The following SASH1 variants were observed in gnomAD, a reference collection of about 807,000 sequenced individuals.
The protein encoded by SASH1 is SAM and SH3 domain-containing protein 1.
SASH1 carries 44 observed loss-of-function variants against 125.2 expected under a neutral mutation model. The ratio of observed to expected loss-of-function variants is 0.35; its 90% confidence interval spans 0.28 to 0.45. The LOEUF is 0.45. SASH1 is among the 20% of genes least tolerant of loss of function. SASH1 has a pLI of 1.00. For synonymous variants in SASH1, 639 were observed against 649.1 expected, an observed-to-expected ratio of 0.98 and a Z score of 0.24; for missense variants, 1,426 against 1,614.5, an observed-to-expected ratio of 0.88 and a Z score of 2.00.
At chr6:148,303,275 T>C (rs4895747) in intron 1 of SASH1, among the ~76,000 whole-genome samples, 110,196 of 151,998 alleles carry the variant, frequency 0.72, 40,065 homozygotes, top group South Asian at 0.76. Flanking sequence ...CCACCATGCC[T>C]GGCCTAAAAT....
Position 148,358,019 on chromosome 6 carries a change from C to T in SASH1, c.156+14796C>T, listed in dbSNP as rs543826544. ...AGGTTGCAGTGAGCTGAGATTGCAC[C>T]GCAGCACTCCAGACTGGGCAACAAG... is the stretch of plus-strand genomic sequence containing the variant. On this transcript the variant is annotated intron_variant, in intron 1 of 19. Transcript: ENST00000367467. Among the ~76,000 whole-genome samples, 64 of 142,972 alleles carry T rather than the reference C, an allele frequency of 4.5e-4. 1 individual carries two copies. In the South Asian group the frequency reaches 6.2e-3, roughly 14 times the overall value. 93.8% of individuals were successfully genotyped at this position (142,972 alleles called of 152,430 possible). A position where few individuals can be genotyped will look rare whatever the true frequency, so the allele number is the denominator to read the frequency against.
intron 10 of SASH1, among the ~76,000 whole-genome samples, chr6:148,521,455 T>C (rs1012833073): frequency 2.0e-5 from 3 of 152,252 alleles, no homozygotes; most frequent in African/African-American, 7.2e-5. Context: ...TCAATGCCAT[T>C]CTTAAAACGA....
chr6:148,402,766 G>A (rs764193434), intron 2 of SASH1, among the ~76,000 whole-genome samples: 2 of 151,398 alleles, frequency 1.3e-5, no homozygotes, highest in Non-Finnish European at 2.9e-5. Flanking sequence ...CCGCCACCAC[G>A]CCCGGCTAAT....
intron 8 of SASH1, among the ~76,000 whole-genome samples, chr6:148,504,708 T>TGGGGAGTCTACTAC (rs1337741164): frequency 6.6e-6 from 1 of 151,830 alleles, no homozygotes; most frequent in Non-Finnish European, 1.5e-5. Context: ...CCAGTATTTA[T>TGGGGAGTCTACTAC]GGGTGGGCAC....
chr6:148,472,678 G>T (rs74519329), intron 6 of SASH1, among the ~76,000 whole-genome samples: 10,195 of 152,214 alleles, frequency 0.067, 433 homozygotes, highest in Non-Finnish European at 0.097. Context: ...GTAGCAAAGG[G>T]AACTTGAGGG....
At chr6:148,290,879 A>AG (rs1213878922) in intron 1 of SASH1, among the ~76,000 whole-genome samples, 1 of 113,678 alleles carries the variant, frequency 8.8e-6, no homozygotes, top group African/African-American at 2.8e-5. Flanking sequence ...AATACTAAAA[A>AG]AAAGTTAAAA....
At position 148,519,980 on chromosome 6, in the gene SASH1, G is replaced by T; in HGVS notation, c.1209+87G>T. On this transcript the variant is annotated intron_variant, in intron 10 of 19. Coordinates refer to ENST00000367467, the MANE Select transcript of SASH1 (RefSeq NM_015278.5). The surrounding 1 kb of genome is among the most constrained non-coding windows in gnomAD (Gnocchi z 4.8). ...CCCTGGAGGAGTTTCAGAGTGTCCG[G>T]AAGCAAATCCGCTTGAAGAAAACGG... The T allele has an allele frequency of 1.2e-6, 1 of 861,186 alleles. No homozygotes were observed. The highest frequency in any genetic ancestry group is 1.7e-6 in the Non-Finnish European group (1 of 571,806). 53.3% of individuals were successfully genotyped at this position (861,186 alleles called of 1,614,324 possible).
At chr6:148,391,422 TAA>T (rs398038813) in intron 2 of SASH1, among the ~76,000 whole-genome samples, 5,160 of 114,362 alleles carry the variant, frequency 0.045, 134 homozygotes, top group African/African-American at 0.078. Context: ...GACACTTTTA[TAA>T]AAAAAAAAAA....
chr6:148,416,199 C>T (rs1022643228), intron 2 of SASH1, among the ~76,000 whole-genome samples: 3 of 152,232 alleles, frequency 2.0e-5, no homozygotes, highest in African/African-American at 7.2e-5. Context: ...AATTTGTTCC[C>T]TCCTGTTCCT....
At chr6:148,316,834 T>C (rs984574839) in intron 1 of SASH1, among the ~76,000 whole-genome samples, 14 of 152,208 alleles carry the variant, frequency 9.2e-5, no homozygotes, top group African/African-American at 3.4e-4. Flanking sequence ...TCAGGGGTTA[T>C]AGAATTATGA....
chr6:148,279,516 A>G (rs1272041256), intron 1 of SASH1, among the ~76,000 whole-genome samples: 1 of 152,220 alleles, frequency 6.6e-6, no homozygotes, highest in Non-Finnish European at 1.5e-5. Context: ...ATGGGTTATC[A>G]TCATGGATAA....
At chr6:148,235,578 TAATAA>T in the SASH1 span, among the ~76,000 whole-genome samples, 3 of 152,340 alleles carry the variant, frequency 2.0e-5, no homozygotes, top group South Asian at 6.2e-4. Context: ...TTCCAGGATA[TAATAA>T]CATGTCCAGG....
chr6:148,551,948 G>C lies in SASH1; in HGVS notation c.*3390G>C, dbSNP rs529079307. The C allele has an allele frequency of 1.2e-4, 19 of 152,758 alleles. No homozygotes were observed. Among genetic ancestry groups the C allele is most frequent in the African/African-American group, 4.1e-4 (17 of 41,578 alleles). 9.5% of individuals were successfully genotyped at this position (152,758 alleles called of 1,614,324 possible). On this transcript the variant is annotated 3_prime_UTR_variant, in exon 20 of 20. Transcript: ENST00000367467. ...ATTGTGATGATTCATTTAGCATAAA[G>C]AGAGGTGGACGGAAGGGTTTTCCTA...
chr6:148,535,008 GTTCT>G, intron 16 of SASH1, 107 bp downstream of exon 16: 1 of 1,176,008 alleles, frequency 8.5e-7, no homozygotes. Flanking sequence ...ATTCTGTCCT[GTTCT>G]TTCTGTTACA....
At chr6:148,520,285 G>A (rs556770532) in intron 10 of SASH1, 2 of 186,030 alleles carry the variant, frequency 1.1e-5, no homozygotes, top group East Asian at 1.3e-4. Flanking sequence ...GACCTGAGGC[G>A]GTGCCTGCTG....
At chr6:148,440,125 T>C (rs1583162930) in intron 2 of SASH1, 59 bp from the exon 3 acceptor site, 1 of 1,516,146 alleles carries the variant, frequency 6.6e-7, no homozygotes, top group Non-Finnish European at 9.2e-7. Flanking sequence ...TGTCTATTTG[T>C]CTTTCTCGCG....
intron 1 of SASH1, among the ~76,000 whole-genome samples, chr6:148,387,600 C>G (rs1172278658): frequency 6.2e-4 from 8 of 12,984 alleles, no homozygotes; most frequent in Admixed American, 1.2e-3. Flanking sequence ...TTCTTTCTTT[C>G]TTTCTTTCTT....
intron 1 of SASH1, among the ~76,000 whole-genome samples, chr6:148,355,014 C>T (rs1781874914): frequency 6.6e-6 from 1 of 152,208 alleles, no homozygotes; most frequent in Non-Finnish European, 1.5e-5. Context: ...CCACCTCTGC[C>T]TCCCAAAGTG....
At chr6:148,503,794 G>A (rs1779658415) in intron 8 of SASH1, among the ~76,000 whole-genome samples, 1 of 151,594 alleles carries the variant, frequency 6.6e-6, no homozygotes. Flanking sequence ...AGAAACATCA[G>A]GGTGTATTTT....
Sources: allele counts gnomAD v4.1 joint callset (sites outside exome capture counted in the v4.1 genomes callset), GRCh38; gene constraint gnomAD v4.1.1; non-coding constraint Gnocchi (gnomAD v3.1); transcripts MANE v1.5; gene names NCBI Gene and HGNC (gene_info 2026-07-23, HGNC 2026-07-21).